ARIH1: variants seen among roughly 807,000 people sequenced by gnomAD.
ARIH1 encodes E3 ubiquitin-protein ligase ARIH1.
In ARIH1, 8 loss-of-function variants were observed where a neutral mutation model predicts 85.0. The ratio of observed to expected loss-of-function variants is 0.09; its 90% CI spans 0.06 to 0.17. ARIH1 has a LOEUF of 0.17. Ranked by LOEUF, ARIH1 falls within the 10% of genes least tolerant of loss-of-function variation. The pLI is 1.00. For missense variants in ARIH1, 311 were observed against 718.1 expected (o/e 0.43, Z 6.48); for synonymous variants, 238 against 253.6 (o/e 0.94, Z 0.59).
intron 11 of ARIH1, 117 bp from the exon 12 acceptor site, chr15:72,580,614 A>T: frequency 1.0e-6 from 1 of 974,416 alleles, no homozygotes; most frequent in African/African-American, 1.6e-5. Context: ...TCTTTTTGAT[A>T]AAAACCATTC....
chr15:72,498,961 ATT>A (rs535261674), intron 1 of ARIH1, among the ~76,000 whole-genome samples: 17 of 88,420 alleles, frequency 1.9e-4, no homozygotes, highest in African/African-American at 7.5e-4. Flanking sequence ...CTTTTCATAA[ATT>A]TTTTTTTTTT....
rs919463607 is a variant in ARIH1, at chr15:72,597,731, G to T, written c.*14439G>T. On this transcript the variant is annotated 3_prime_UTR_variant, in exon 14 of 14. Transcript: ENST00000379887. ...GGTTATCATCTAAGGGGTAAGATTG[G>T]TGGGAAGCCTTCCTCTGTGGATTTG... 1 of 152,158 alleles carries T rather than the reference G, an allele frequency of 6.6e-6. No homozygotes were observed. The highest frequency in any genetic ancestry group is 2.4e-5 in the African/African-American group (1 of 41,412). The allele number at this position is 152,158 out of a possible 1,614,324, so 9.4% of individuals were successfully genotyped here.
Position 72,583,295 on chromosome 15 carries a change from A to C in ARIH1, c.*3A>C, listed in dbSNP as rs373702159. ...TGTGGGAGTACATTGAGGACTGAGA[A>C]TGGCCCTGCATAAAATGAACTCTGA... On this transcript the variant is annotated 3_prime_UTR_variant, in exon 14 of 14. Transcript: ENST00000379887. 34 of 1,608,536 alleles carry C rather than the reference A, an allele frequency of 2.1e-5. No homozygotes were observed. Among genetic ancestry groups the C allele is most frequent in the Middle Eastern group, 1.7e-4 (1 of 6,060 alleles).
At chr15:72,575,767 C>T (rs369404227) in intron 11 of ARIH1, among the ~76,000 whole-genome samples, 6 of 152,010 alleles carry the variant, frequency 3.9e-5, no homozygotes, top group African/African-American at 1.4e-4. Context: ...AGATAAAATG[C>T]CAAGCAGATT....
intron 1 of ARIH1, among the ~76,000 whole-genome samples, chr15:72,476,429 A>G (rs550826701): frequency 8.5e-5 from 13 of 152,298 alleles, no homozygotes; most frequent in African/African-American, 3.1e-4. Context: ...CAATGGCGCA[A>G]TCTCTGCTCA....
chr15:72,559,110 A>G (rs183793833), intron 5 of ARIH1, among the ~76,000 whole-genome samples: 1 of 152,332 alleles, frequency 6.6e-6, no homozygotes, highest in East Asian at 1.9e-4. Flanking sequence ...ATGTCAGCCC[A>G]GCAGAACCCA....
In ARIH1 at chr15:72,584,682, T is replaced by G. The variant is rs924226372; in HGVS notation, c.*1390T>G. 1 of 152,132 alleles carries G rather than the reference T, an allele frequency of 6.6e-6. No homozygotes were observed. Among genetic ancestry groups the G allele is most frequent in the African/African-American group, 2.4e-5 (1 of 41,418 alleles). The allele number at this position is 152,132 out of a possible 1,614,324, so 9.4% of individuals were successfully genotyped here. ...TGCATTTAAATAGAAATCACTGAGT[T>G]TGCTGCTTTTTTATTGTCAGCAGAT... On this transcript the variant is annotated 3_prime_UTR_variant, in exon 14 of 14. Coordinates refer to ENST00000379887, the MANE Select transcript of ARIH1 (RefSeq NM_005744.5).
At chr15:72,548,955 C>T (rs940557552) in intron 3 of ARIH1, among the ~76,000 whole-genome samples, 3 of 152,156 alleles carry the variant, frequency 2.0e-5, no homozygotes, top group African/African-American at 7.2e-5. Context: ...AAACAATGTC[C>T]TGAGACATTG....
chr15:72,495,277 T>C (rs2063875405), intron 1 of ARIH1, among the ~76,000 whole-genome samples: 1 of 152,142 alleles, frequency 6.6e-6, no homozygotes, highest in South Asian at 2.1e-4. Flanking sequence ...TGATGAAATG[T>C]TCTAAAATTA....
rs561820440 is a variant in ARIH1 at position 72,587,876 on chromosome 15, G to A, written c.*4584G>A. On this transcript the variant is annotated 3_prime_UTR_variant, in exon 14 of 14. Transcript: ENST00000379887. ...TGTGGAGTTGAGTCCAATTTTTAAG[G>A]CAACTATTGTTGACCTTTCTCTAGG... The A allele has an allele frequency of 4.6e-5, 7 of 152,230 alleles. No homozygotes were observed. Among genetic ancestry groups the A allele is most frequent in the African/African-American group, 1.4e-4 (6 of 41,550 alleles). 9.4% of individuals were successfully genotyped at this position (152,230 alleles called of 1,614,324 possible).
In ARIH1 at chr15:72,584,888, C is replaced by T. The variant is rs1167356744; in HGVS notation, c.*1596C>T. The T allele has an allele frequency of 2.0e-5, 3 of 150,284 alleles. No homozygotes were observed. The highest frequency in any genetic ancestry group is 3.0e-5 in the Non-Finnish European group (2 of 67,736). The allele number at this position is 150,284 out of a possible 1,614,324, so 9.3% of individuals were successfully genotyped here. A position where few individuals can be genotyped will look rare whatever the true frequency, so the allele number is the denominator to read the frequency against. On this transcript the variant is annotated 3_prime_UTR_variant, in exon 14 of 14. Coordinates refer to ENST00000379887, the MANE Select transcript of ARIH1 (RefSeq NM_005744.5). ...AATCTGTCAGTTTTATACAGGAGTGCAGAGTGAACTAGGCAACTAGATTAA... is the reference window on the plus strand; with the variant it reads ...AATCTGTCAGTTTTATACAGGAGTGTAGAGTGAACTAGGCAACTAGATTAA...
intron 1 of ARIH1, among the ~76,000 whole-genome samples, chr15:72,514,201 A>C (rs1475828599): frequency 6.6e-6 from 1 of 151,954 alleles, no homozygotes; most frequent in Middle Eastern, 3.2e-3. Context: ...ACTTTTAGTG[A>C]ATACAGAATT....
At chr15:72,576,235 G>A (rs901309992) in intron 11 of ARIH1, among the ~76,000 whole-genome samples, 5 of 152,244 alleles carry the variant, frequency 3.3e-5, no homozygotes, top group Non-Finnish European at 5.9e-5. Flanking sequence ...GCCGGGCGCG[G>A]TGGCTCATGC....
intron 2 of ARIH1, among the ~76,000 whole-genome samples, chr15:72,544,447 C>T (rs984402810): frequency 3.3e-5 from 5 of 152,016 alleles, no homozygotes; most frequent in African/African-American, 1.2e-4. Flanking sequence ...GTTTTAGTTG[C>T]AGTACTGTTA....
At chr15:72,482,258 G>C (rs916686407) in intron 1 of ARIH1, among the ~76,000 whole-genome samples, 1 of 152,110 alleles carries the variant, frequency 6.6e-6, no homozygotes, top group Non-Finnish European at 1.5e-5. Context: ...TTATTAGTAT[G>C]CTGGAAGAGA....
At chr15:72,478,161 G>C (rs2063801909) in intron 1 of ARIH1, among the ~76,000 whole-genome samples, 1 of 151,984 alleles carries the variant, frequency 6.6e-6, no homozygotes, top group South Asian at 2.1e-4. Flanking sequence ...TGCTGCCCAG[G>C]TTGGAGTGCA....
At chr15:72,524,286 GC>G (rs2064016234) in intron 2 of ARIH1, among the ~76,000 whole-genome samples, 1 of 144,476 alleles carries the variant, frequency 6.9e-6, no homozygotes, top group Non-Finnish European at 1.5e-5. Flanking sequence ...TTGCTCGGTT[GC>G]CCAGGCTGGA....
intron 9 of ARIH1, among the ~76,000 whole-genome samples, chr15:72,569,108 A>G (rs1048492450): frequency 1.3e-5 from 2 of 152,154 alleles, no homozygotes; most frequent in Admixed American, 6.5e-5. Flanking sequence ...TGAGAGATTG[A>G]GACCAACCTG....
rs1483338730 is a variant in ARIH1 at position 72,586,786 on chromosome 15, GA to G, written c.*3496del. Reference sequence around the variant, plus strand: ...TTCCAATTTCTGCATCTCAGATATTGAATTTAAATTGTTTGTGTTGTAACAG... The same window carrying G: ...TTCCAATTTCTGCATCTCAGATATTGATTTAAATTGTTTGTGTTGTAACAG... On this transcript the variant is annotated 3_prime_UTR_variant, in exon 14 of 14. Coordinates refer to ENST00000379887, the MANE Select transcript of ARIH1 (RefSeq NM_005744.5). The G allele has an allele frequency of 6.6e-6, 1 of 152,658 alleles. No individual in the cohort carries two copies. The highest frequency in any genetic ancestry group is 1.5e-5 in the Non-Finnish European group (1 of 68,564). 9.5% of individuals were successfully genotyped at this position (152,658 alleles called of 1,614,324 possible).
Sources: allele counts gnomAD v4.1 joint callset (sites outside exome capture counted in the v4.1 genomes callset), GRCh38; gene constraint gnomAD v4.1.1; transcripts MANE v1.5; gene names NCBI Gene and HGNC (gene_info 2026-07-23, HGNC 2026-07-21).